The following HEATR5B variants were observed in gnomAD, a reference collection of about 807,000 sequenced individuals.
The protein encoded by HEATR5B is HEAT repeat containing 5B.
HEATR5B carries 156 observed loss-of-function variants against 224.1 expected under a neutral mutation model. The observed-to-expected ratio is 0.70, with a 90% CI of 0.61 to 0.80. The LOEUF (loss-of-function observed/expected upper bound fraction) is 0.80. Among genes scored for constraint, HEATR5B ranks in the 30% least tolerant of loss-of-function variants. The pLI is 0.00. For synonymous variants in HEATR5B, 1,027 were observed against 893.0 expected, an observed-to-expected ratio of 1.15 and a Z score of -2.68; for missense variants, 2,323 against 2,535.5, an observed-to-expected ratio of 0.92 and a Z score of 1.80.
At chr2:37,070,458 T>C in intron 6 of HEATR5B, 71 bp from the exon 7 acceptor site, 1 of 1,251,306 alleles carries the variant, frequency 8.0e-7, no homozygotes, top group Non-Finnish European at 1.1e-6. Flanking sequence ...ATTCAAGTAA[T>C]TATTTTTAAG....
intron 5 of HEATR5B, 62 bp downstream of exon 5, chr2:37,075,422 AT>A (rs1672165242): frequency 5.9e-6 from 7 of 1,185,612 alleles, no homozygotes; most frequent in Non-Finnish European, 8.0e-6. Context: ...AGAAAAAAAA[AT>A]CGTTGACTGT....
chr2:37,038,286 C>T (rs1308192596), intron 20 of HEATR5B, among the ~76,000 whole-genome samples: 1 of 151,944 alleles, frequency 6.6e-6, no homozygotes, highest in Non-Finnish European at 1.5e-5. Flanking sequence ...ATTACAAGCA[C>T]GCGCCACCAC....
chr2:37,010,749 G>A (rs1023300215), intron 27 of HEATR5B, among the ~76,000 whole-genome samples: 4 of 151,874 alleles, frequency 2.6e-5, no homozygotes, highest in Non-Finnish European at 4.4e-5. Context: ...CCTGACCGCA[G>A]GTGATCCATC....
chr2:37,031,024 G>A (rs1443002945), intron 22 of HEATR5B, among the ~76,000 whole-genome samples: 7 of 152,188 alleles, frequency 4.6e-5, no homozygotes, highest in African/African-American at 1.7e-4. Context: ...CATGCCTATG[G>A]CATCAGCCCC....
At chr2:37,067,099 C>T (rs898971972) in intron 8 of HEATR5B, among the ~76,000 whole-genome samples, 1 of 152,126 alleles carries the variant, frequency 6.6e-6, no homozygotes, top group African/African-American at 2.4e-5. Context: ...TTGAAGAACT[C>T]CTGGCCTCAA....
chr2:37,068,935 A>G lies in HEATR5B; in HGVS notation c.928-5T>C, dbSNP rs1356794426. 6 of 1,607,840 alleles carry G rather than the reference A, an allele frequency of 3.7e-6. No homozygotes were observed. The highest frequency in any genetic ancestry group is 5.1e-6 in the Non-Finnish European group (6 of 1,175,198). On this transcript the variant is annotated splice_polypyrimidine_tract_variant and splice_region_variant and intron_variant, in intron 7 of 35. Coordinates refer to ENST00000233099, the MANE Select transcript of HEATR5B (RefSeq NM_019024.3). ...TGTCACAAAAACAACATACGCCTGTAAAAAGAGGAAGGTACGACTTCAGAT... is the reference window on the plus strand; with the variant it reads ...TGTCACAAAAACAACATACGCCTGTGAAAAGAGGAAGGTACGACTTCAGAT...
intron 1 of HEATR5B, among the ~76,000 whole-genome samples, chr2:37,083,931 G>A (rs1163651058): frequency 6.6e-6 from 1 of 152,204 alleles, no homozygotes; most frequent in Non-Finnish European, 1.5e-5. Flanking sequence ...CTCTTCCTAC[G>A]CGGATGGGTG....
intron 30 of HEATR5B, among the ~76,000 whole-genome samples, chr2:37,004,283 G>T (rs963850320): frequency 3.3e-5 from 5 of 151,260 alleles, no homozygotes; most frequent in Admixed American, 6.6e-5. Context: ...CTTAATCTGA[G>T]GTTAATCTTT....
chr2:37,029,232 A>C (rs1179986360), intron 22 of HEATR5B, among the ~76,000 whole-genome samples: 4 of 152,252 alleles, frequency 2.6e-5, no homozygotes, highest in Admixed American at 6.5e-5. Flanking sequence ...AAATATATTT[A>C]ACAAACTAAA....
At chr2:37,019,147 G>A (rs1026187314) in intron 26 of HEATR5B, among the ~76,000 whole-genome samples, 1 of 151,614 alleles carries the variant, frequency 6.6e-6, no homozygotes, top group Non-Finnish European at 1.5e-5. Flanking sequence ...GTGACAGAGT[G>A]AGACTCAGTC....
chr2:37,023,224 C>T (rs1192844922), intron 24 of HEATR5B, among the ~76,000 whole-genome samples: 4 of 152,076 alleles, frequency 2.6e-5, no homozygotes, highest in African/African-American at 9.7e-5. Flanking sequence ...GATCAGTGAA[C>T]TGAAAAGACT....
chr2:36,988,974 A>C (rs914025396), intron 34 of HEATR5B, 115 bp from the exon 35 acceptor site: 16 of 723,920 alleles, frequency 2.2e-5, no homozygotes, highest in Non-Finnish European at 3.6e-5. Context: ...CAAAAATGGA[A>C]ATTACATTTT....
chr2:36,988,518 C>T, intron 35 of HEATR5B, 128 bp downstream of exon 35: 1 of 719,136 alleles, frequency 1.4e-6, no homozygotes, highest in Non-Finnish European at 2.3e-6. Context: ...CCTTGGCCTC[C>T]CAGAGTGCTG....
chr2:37,004,069 T>G (rs1169846094), intron 30 of HEATR5B, among the ~76,000 whole-genome samples: 1 of 152,136 alleles, frequency 6.6e-6, no homozygotes, highest in African/African-American at 2.4e-5. Flanking sequence ...ATTGTAGAAA[T>G]CTCTGGTGAG....
Position 37,053,525 on chromosome 2 carries a change from T to C in HEATR5B, c.2482A>G (p.Thr828Ala). The stretch of plus-strand genomic sequence containing the variant: ...ACCTTTAGTGCACTAAGAACAGCAG[T>C]AAATATGTTAAGCTGCACAGCCTGC... ...RQQAVQLNIF[T>A]AVLSALKGLA... Residue 828 changes from threonine to alanine, a missense_variant, in exon 17 of 36, where the codon ACT becomes GCT. Physicochemically the swap from Thr to Ala is moderately conservative, Grantham distance 58 (BLOSUM62 0). Around this residue, in one of 12 missense-constraint regions of HEATR5B, gnomAD observed 170 missense variants for 216.7 expected, o/e 0.78. Transcript: ENST00000233099. The C allele has an allele frequency of 1.2e-6, 2 of 1,605,206 alleles. No individual in the cohort carries two copies. Among genetic ancestry groups the C allele is most frequent in the Non-Finnish European group, 1.7e-6 (2 of 1,173,534 alleles).
chr2:37,008,616 G>A lies in HEATR5B; in HGVS notation c.4517C>T (p.Pro1506Leu), dbSNP rs1376380292. 1 of 1,604,776 alleles carries A rather than the reference G, an allele frequency of 6.2e-7. No homozygotes were observed. The change falls in exon 28 of 36, where the codon CCA becomes CTA. Residue 1506 changes from proline to leucine, a missense_variant. This residue lies in a region of HEATR5B where 844 missense variants were observed against 812.9 expected (regional missense o/e 1.04). Transcript: ENST00000233099. ...LPAEFSSQLP[P>L]DGGAFYTPET... ...ACTCAGAATGTAATACTCACCATCT[G>A]GAGGAAGCTGACTAGAAAATTCGGC...
intron 35 of HEATR5B, among the ~76,000 whole-genome samples, chr2:36,983,145 C>T (rs1216103310): frequency 6.6e-6 from 1 of 152,026 alleles, no homozygotes; most frequent in Non-Finnish European, 1.5e-5. Context: ...ATTAAGTTTT[C>T]AGAAAAGAGG....
At chr2:37,020,916 A>T (rs1668421433) in intron 24 of HEATR5B, 80 bp from the exon 25 acceptor site, 2 of 825,808 alleles carry the variant, frequency 2.4e-6, no homozygotes, top group Admixed American at 3.6e-5. Context: ...AATGAAATAA[A>T]TTTTTGATAA....
intron 33 of HEATR5B, among the ~76,000 whole-genome samples, chr2:36,992,276 G>A (rs1252258316): frequency 1.3e-5 from 2 of 151,850 alleles, no homozygotes; most frequent in Admixed American, 6.6e-5. Context: ...CCTGAGTCAC[G>A]AATGTTAAAA....
Sources: allele counts gnomAD v4.1 joint callset (sites outside exome capture counted in the v4.1 genomes callset), GRCh38; gene constraint gnomAD v4.1.1; regional missense constraint gnomAD v4.1.1; transcripts MANE v1.5; gene names NCBI Gene and HGNC (gene_info 2026-07-23, HGNC 2026-07-21).